The following ARMC12 variants were observed in gnomAD, a reference collection of about 807,000 sequenced individuals.
ARMC12 encodes the protein armadillo repeat-containing protein 12.
A neutral mutation model predicts 37.4 loss-of-function variants in ARMC12; 25 were observed. The observed-to-expected ratio is 0.67, with a 90% CI of 0.49 to 0.93. ARMC12 has a LOEUF of 0.93. Ranked by LOEUF, ARMC12 falls within the 40% of genes least tolerant of loss-of-function variation. The probability of loss-of-function intolerance (pLI) is 0.00; values close to 1 mark genes in which losing one functional copy is unlikely to be tolerated. For missense variants in ARMC12, 384 were observed against 426.6 expected (o/e 0.90, Z 0.88); for synonymous variants, 167 against 176.1 (o/e 0.95, Z 0.41).
At chr6:35,736,710 C>T (rs535408578), upstream of ARMC12, 5 of 221,642 alleles carry the variant, frequency 2.3e-5, no homozygotes, top group South Asian at 6.3e-5. Context: ...CAGGCTTAAG[C>T]GATTCTCCTG....
At chr6:35,735,731 C>G (rs570017562), upstream of ARMC12, 1 of 152,472 alleles carries the variant, frequency 6.6e-6, no homozygotes, top group African/African-American at 2.4e-5. This position sits in a 1 kb window ranked among gnomAD's most constrained non-coding sequence, Gnocchi z 4.0. Context: ...CGGGGAGACC[C>G]TGGTGGGGAA....
At chr6:35,737,478 T>C (rs1767005518) in intron 1 of ARMC12, 2 of 1,418,470 alleles carry the variant, frequency 1.4e-6, no homozygotes, top group African/African-American at 2.8e-5. Context: ...CTCACTCAAG[T>C]GGATCCTCAG....
At chr6:35,744,341 C>T (rs1767272735) in intron 3 of ARMC12, among the ~76,000 whole-genome samples, 1 of 151,960 alleles carries the variant, frequency 6.6e-6, no homozygotes. Context: ...GGGGTTTCAC[C>T]ATGTTGGCCA....
Position 35,748,937 on chromosome 6 carries a change from TTGG to T in ARMC12, c.*71_*73del, listed in dbSNP as rs1168103017. On this transcript the variant is annotated 3_prime_UTR_variant, in exon 6 of 6. Transcript: ENST00000373866. ...AAGTTTCTTGAAGCTCGAATGTCTG[TTGG>T]TGGCCTTCCAGGGCTGGGTGGAGAT... is the stretch of plus-strand genomic sequence containing the variant. The T allele has an allele frequency of 6.8e-7, 1 of 1,477,600 alleles. No homozygotes were observed. The highest frequency in any genetic ancestry group is 1.4e-5 in the African/African-American group (1 of 70,660). 91.5% of individuals were successfully genotyped at this position (1,477,600 alleles called of 1,614,324 possible).
At chr6:35,747,727 G>C in intron 5 of ARMC12, 80 bp downstream of exon 5, 1 of 1,419,376 alleles carries the variant, frequency 7.0e-7, no homozygotes, top group African/African-American at 1.4e-5. Flanking sequence ...TCTCCAGACA[G>C]ATTTACCCCT....
rs898475706 is a variant in ARMC12, at chr6:35,742,616, T to C, written c.444+4098T>C. On this transcript the variant is annotated intron_variant, in intron 3 of 5. Transcript: ENST00000373866. ...GCCTGAGTCCCACTCTTCCTTTTTTTCCCCAGTGTCTTTATGCTGAGGGCC... is the reference window on the plus strand; with the variant it reads ...GCCTGAGTCCCACTCTTCCTTTTTTCCCCCAGTGTCTTTATGCTGAGGGCC... Among the ~76,000 whole-genome samples the C allele has an allele frequency of 4.9e-4, 75 of 152,100 alleles. 5 individuals are homozygous for C. The highest frequency in any genetic ancestry group is 1.5e-5 in the Non-Finnish European group (1 of 68,024).
At chr6:35,739,054 TA>T (rs369078975) in intron 3 of ARMC12, among the ~76,000 whole-genome samples, 3 of 152,090 alleles carry the variant, frequency 2.0e-5, no homozygotes, top group Non-Finnish European at 4.4e-5. Flanking sequence ...ACTGGTTTTT[TA>T]TATAAAGGAC....
At chr6:35,737,827 T>A (rs1015587146) in intron 1 of ARMC12, among the ~76,000 whole-genome samples, 200 bp from the exon 2 acceptor site, 4 of 152,240 alleles carry the variant, frequency 2.6e-5, no homozygotes, top group African/African-American at 9.6e-5. Context: ...TGGTACGTTA[T>A]GGACAATACA....
chr6:35,737,330 C>T (rs760484367), intron 1 of ARMC12, 59 bp downstream of exon 1: 2 of 1,614,120 alleles, frequency 1.2e-6, no homozygotes, highest in Non-Finnish European at 1.7e-6. Flanking sequence ...CTCCCGAGGC[C>T]TCTGCTGTGG....
At chr6:35,747,127 G>T in intron 3 of ARMC12, 134 bp from the exon 4 acceptor site, 60 of 765,378 alleles carry the variant, frequency 7.8e-5, no homozygotes, top group Non-Finnish European at 8.3e-5. Flanking sequence ...GTCAAATTAT[G>T]TTGAGAGTTA....
the ARMC12 span, among the ~76,000 whole-genome samples, chr6:35,731,772 G>C: frequency 6.6e-6 from 1 of 152,266 alleles, no homozygotes; most frequent in Admixed American, 6.5e-5. Flanking sequence ...CAACAGCTGC[G>C]GGCCACGAGA....
rs745967722 is a variant in ARMC12 at position 35,738,509 on chromosome 6, C to T, written c.435C>T (p.Leu145=). ...TCTCTGGCATCAGAAAATTCAGGCT[C>T]AAAATCCAGGTGAGCCCAGGGATGC... The part of the protein sequence containing the change: ...KAFSGIRKFR[L]KIQEHSIKVL... Residue 145 remains leucine (L), a synonymous_variant, in exon 3 of 6, where the codon CTC becomes CTT. Coordinates refer to ENST00000373866, the MANE Select transcript of ARMC12 (RefSeq NM_001286574.2). 20 of 1,613,906 alleles carry T rather than the reference C, an allele frequency of 1.2e-5. No homozygotes were observed. The highest frequency in any genetic ancestry group is 2.2e-5 in the East Asian group (1 of 44,886).
chr6:35,745,098 A>G (rs1226536341), intron 3 of ARMC12, among the ~76,000 whole-genome samples: 6 of 152,248 alleles, frequency 3.9e-5, no homozygotes, highest in African/African-American at 1.4e-4. Context: ...ACATTTACCA[A>G]TTCAGCAGTT....
At chr6:35,745,367 T>A (rs556191783) in intron 3 of ARMC12, among the ~76,000 whole-genome samples, 143 of 152,334 alleles carry the variant, frequency 9.4e-4, no homozygotes, top group Admixed American at 3.0e-3. Flanking sequence ...AAAAAGCCGA[T>A]CTCAAATGAT....
At chr6:35,748,430 C>A in intron 5 of ARMC12, 108 bp from the exon 6 acceptor site, 2 of 915,354 alleles carry the variant, frequency 2.2e-6, no homozygotes, top group African/African-American at 1.7e-5. Context: ...ATACTCGAGT[C>A]TGAAATTTAG....
chr6:35,741,176 G>A (rs6936778), intron 3 of ARMC12, among the ~76,000 whole-genome samples: 8,003 of 152,096 alleles, frequency 0.053, 198 homozygotes, highest in African/African-American at 0.064. Context: ...CCACTTGCCC[G>A]TTGTTAGGCA....
intron 1 of ARMC12, 53 bp from the exon 2 acceptor site, chr6:35,737,974 T>C (rs771622419): frequency 6.2e-7 from 1 of 1,604,882 alleles, no homozygotes; most frequent in Non-Finnish European, 8.5e-7. Flanking sequence ...CCAACCCCAT[T>C]CTTTCATCAC....
intron 3 of ARMC12, among the ~76,000 whole-genome samples, chr6:35,739,637 G>C (rs1489066537): frequency 6.6e-6 from 1 of 152,172 alleles, no homozygotes; most frequent in South Asian, 2.1e-4. Flanking sequence ...CCCAGGAAAG[G>C]CCTAGGCAAA....
intron 5 of ARMC12, 27 bp from the exon 6 acceptor site, chr6:35,748,511 C>G (rs1767406927): frequency 4.8e-5 from 69 of 1,440,978 alleles, no homozygotes; most frequent in Non-Finnish European, 6.2e-5. Context: ...GGAGTTTATT[C>G]CCATTCTTTC....
Sources: allele counts gnomAD v4.1 joint callset (sites outside exome capture counted in the v4.1 genomes callset), GRCh38; gene constraint gnomAD v4.1.1; non-coding constraint Gnocchi (gnomAD v3.1); transcripts MANE v1.5; gene names NCBI Gene and HGNC (gene_info 2026-07-23, HGNC 2026-07-21).